The following PEAK1 variants were observed in gnomAD, a reference collection of about 807,000 sequenced individuals.
PEAK1 encodes the protein pseudopodium enriched atypical kinase 1.
In PEAK1, 54 loss-of-function variants were observed where a neutral mutation model predicts 124.7. The ratio of observed to expected loss-of-function variants is 0.43; its 90% CI spans 0.35 to 0.54. The LOEUF (loss-of-function observed/expected upper bound fraction) is 0.54. Ranked by LOEUF, PEAK1 falls within the 20% of genes least tolerant of loss-of-function variation. PEAK1 has a pLI of 0.01. For synonymous variants in PEAK1, 719 were observed against 760.0 expected, an observed-to-expected ratio of 0.95 and a Z score of 0.89; for missense variants, 2,046 against 2,134.5, an observed-to-expected ratio of 0.96 and a Z score of 0.82.
intron 1 of PEAK1, chr15:77,418,846 T>C: frequency 7.1e-6 from 7 of 985,388 alleles, no homozygotes; most frequent in Non-Finnish European, 8.4e-6. Flanking sequence ...AAAGACGCTG[T>C]GGCTGAACAA....
intron 7 of PEAK1, among the ~76,000 whole-genome samples, chr15:77,171,683 G>C (rs2056520258): frequency 6.6e-6 from 1 of 152,138 alleles, no homozygotes; most frequent in Non-Finnish European, 1.5e-5. Context: ...GGAGGATACT[G>C]AATGTTGCCA....
At chr15:77,357,822 CAGAGA>C (rs2067618443) in intron 2 of PEAK1, among the ~76,000 whole-genome samples, 1 of 152,006 alleles carries the variant, frequency 6.6e-6, no homozygotes, top group Non-Finnish European at 1.5e-5. Flanking sequence ...TTTTTAATTA[CAGAGA>C]AGAGACAGAG....
In PEAK1 at chr15:77,112,797, G is replaced by T. The variant is rs1442557880; in HGVS notation, c.*1359C>A. The T allele has an allele frequency of 6.6e-6, 1 of 152,146 alleles. No homozygotes were observed. Among genetic ancestry groups the T allele is most frequent in the African/African-American group, 2.4e-5 (1 of 41,396 alleles). The allele number at this position is 152,146 out of a possible 1,614,324, so 9.4% of individuals were successfully genotyped here. On this transcript the variant is annotated 3_prime_UTR_variant, in exon 10 of 10. Transcript: ENST00000682557. ...CTGTAGACTCGCTTCAGGTGAAGTTGCAACATAAACACTGTAATATACAGC... is the reference window on the plus strand; with the variant it reads ...CTGTAGACTCGCTTCAGGTGAAGTTTCAACATAAACACTGTAATATACAGC...
intron 9 of PEAK1, among the ~76,000 whole-genome samples, chr15:77,127,309 T>C (rs558167244): frequency 6.2e-4 from 95 of 152,342 alleles, no homozygotes; most frequent in African/African-American, 1.9e-3. Flanking sequence ...TTTCAGTCTA[T>C]GGTATTTTGT....
At chr15:77,277,560 T>C (rs1428302146) in intron 5 of PEAK1, among the ~76,000 whole-genome samples, 1 of 152,220 alleles carries the variant, frequency 6.6e-6, no homozygotes, top group East Asian at 1.9e-4. Flanking sequence ...TTCTCTGTAC[T>C]ATGTTTTCAA....
exon 7 of PEAK1, chr15:77,102,052 T>C (rs2050699059): frequency 6.6e-6 from 1 of 152,262 alleles, no homozygotes; most frequent in Non-Finnish European, 1.5e-5. Flanking sequence ...TAAATGTTAA[T>C]GGTGGTCATT....
At chr15:77,285,944 G>C (rs907420419) in intron 3 of PEAK1, among the ~76,000 whole-genome samples, 1 of 152,080 alleles carries the variant, frequency 6.6e-6, no homozygotes, top group Non-Finnish European at 1.5e-5. Context: ...TAATTTCGAT[G>C]TTAGAGTGTT....
At chr15:77,408,102 T>C (rs945430126) in intron 1 of PEAK1, among the ~76,000 whole-genome samples, 13 of 150,424 alleles carry the variant, frequency 8.6e-5, no homozygotes, top group East Asian at 1.9e-4. Flanking sequence ...CACACACATA[T>C]ATACATATAT....
At chr15:77,406,185 C>T (rs1010513893) in intron 1 of PEAK1, among the ~76,000 whole-genome samples, 1 of 152,138 alleles carries the variant, frequency 6.6e-6, no homozygotes, top group Non-Finnish European at 1.5e-5. Flanking sequence ...TAAGACCCAG[C>T]AGTTTACCTG....
At chr15:77,231,236 T>C (rs1186472668) in intron 6 of PEAK1, among the ~76,000 whole-genome samples, 1 of 152,148 alleles carries the variant, frequency 6.6e-6, no homozygotes, top group Non-Finnish European at 1.5e-5. Flanking sequence ...TAACCTTTCT[T>C]GCAATATAAA....
rs138302474 is a variant in PEAK1, at chr15:77,135,926, T to C, written c.3332-2176A>G. Among the ~76,000 whole-genome samples, 222 of 152,228 alleles carry C rather than the reference T, an allele frequency of 1.5e-3. 6 individuals are homozygous for C. The East Asian group carries it at 0.03, about 20-fold the overall frequency. ...TGTGAAAATGGACTAATACAGTAAA[T>C]TGGTACCAGTAGAGTGGGGTGTTGC... On this transcript the variant is annotated intron_variant, in intron 8 of 9. Transcript: ENST00000682557.
At chr15:77,172,223 A>G (rs903372355) in intron 7 of PEAK1, among the ~76,000 whole-genome samples, 1 of 152,190 alleles carries the variant, frequency 6.6e-6, no homozygotes. Context: ...GTATAATTTT[A>G]TAATATCATG....
At position 77,178,959 on chromosome 15, in the gene PEAK1, T is replaced by A. The variant is rs372231016; in HGVS notation, c.2968A>T (p.Met990Leu). Residue 990 changes from methionine to leucine, a missense_variant, in exon 7 of 10, where the codon ATG (methionine) becomes TTG (leucine). Physicochemically the swap from Met to Leu is conservative, Grantham distance 15 (BLOSUM62 2). Coordinates refer to ENST00000682557, the MANE Select transcript of PEAK1 (RefSeq NM_001385026.1). ...ESSEKPAIVF[M>L]YRCDPAQGQL... The stretch of plus-strand genomic sequence containing the variant: ...CCTTGAGCAGGGTCGCACCTGTACA[T>A]GAAGACAATGGCTGGTTTCTCACTG... The A allele has an allele frequency of 1.2e-6, 2 of 1,614,112 alleles. No individual in the cohort carries two copies. Among genetic ancestry groups the A allele is most frequent in the Admixed American group, 3.3e-5 (2 of 59,994 alleles).
chr15:77,205,229 A>G (rs1419097038), intron 6 of PEAK1: 2 of 197,768 alleles, frequency 1.0e-5, no homozygotes. Context: ...AGAAGCATGG[A>G]ATCCCATCTC....
intron 2 of PEAK1, among the ~76,000 whole-genome samples, chr15:77,324,686 G>A (rs974823386): frequency 6.6e-6 from 1 of 152,104 alleles, no homozygotes; most frequent in Non-Finnish European, 1.5e-5. Context: ...AGGGGGAGGA[G>A]GCATCACACA....
At chr15:77,379,606 T>C (rs1238021647) in intron 1 of PEAK1, among the ~76,000 whole-genome samples, 2 of 152,038 alleles carry the variant, frequency 1.3e-5, no homozygotes, top group Non-Finnish European at 2.9e-5. Flanking sequence ...ATTCTAGAAG[T>C]GTATATCTAG....
intron 1 of PEAK1, among the ~76,000 whole-genome samples, chr15:77,399,180 C>A (rs1028388743): frequency 6.6e-6 from 1 of 152,090 alleles, no homozygotes; most frequent in Admixed American, 6.5e-5. Context: ...AATGTCCACA[C>A]AACCTAAAGC....
intron 5 of PEAK1, among the ~76,000 whole-genome samples, chr15:77,269,368 T>C (rs2061908705): frequency 6.6e-6 from 1 of 152,196 alleles, no homozygotes; most frequent in Admixed American, 6.5e-5. Flanking sequence ...GGAGTAGCTA[T>C]TCTTATATCA....
At chr15:77,365,811 T>C (rs2068195097) in intron 1 of PEAK1, among the ~76,000 whole-genome samples, 1 of 151,350 alleles carries the variant, frequency 6.6e-6, no homozygotes, top group Non-Finnish European at 1.5e-5. Context: ...ATCAATCTCC[T>C]TCATCAACTC....
Sources: allele counts gnomAD v4.1 joint callset (sites outside exome capture counted in the v4.1 genomes callset), GRCh38; gene constraint gnomAD v4.1.1; transcripts MANE v1.5; gene names NCBI Gene and HGNC (gene_info 2026-07-23, HGNC 2026-07-21).